Variants in PARL observed in about 807,000 individuals in gnomAD.
PARL encodes presenilin-associated rhomboid-like protein, mitochondrial.
In PARL, 44 loss-of-function variants were observed where a neutral mutation model predicts 51.6. The observed-to-expected ratio is 0.85, with a 90% CI of 0.67 to 1.10. The LOEUF (loss-of-function observed/expected upper bound fraction) is 1.10, where lower values mean the gene tolerates loss of function less well. Among genes scored for constraint, PARL ranks in the 50% least tolerant of loss-of-function variants. The probability of loss-of-function intolerance (pLI) is 0.00; values close to 1 mark genes in which losing one functional copy is unlikely to be tolerated. For missense variants in PARL, 441 were observed against 469.5 expected, an observed-to-expected ratio of 0.94 and a Z score of 0.56; for synonymous variants, 172 against 164.0, an observed-to-expected ratio of 1.05 and a Z score of -0.37.
rs1408147337 is a variant in PARL, at chr3:183,874,105, G to A, written c.126-6045C>T. On this transcript the variant is annotated intron_variant, in intron 1 of 9. Transcript: ENST00000317096. Reference sequence around the variant, plus strand: ...CTTGGTGGCTCTGTGTCACATTTCCGTAATTCTCACAACACTTCAATTTTT... The same window carrying A: ...CTTGGTGGCTCTGTGTCACATTTCCATAATTCTCACAACACTTCAATTTTT... Among the ~76,000 whole-genome samples, 5 of 152,108 alleles carry A rather than the reference G, an allele frequency of 3.3e-5. No individual in the cohort carries two copies. In the East Asian group the frequency reaches 7.7e-4, roughly 23 times the overall value.
intron 9 of PARL, among the ~76,000 whole-genome samples, chr3:183,830,264 G>A (rs774135009): frequency 1.3e-5 from 2 of 152,102 alleles, no homozygotes; most frequent in African/African-American, 2.4e-5. Flanking sequence ...GCCTAACTGC[G>A]GCCTGAAGCA....
rs764366463 is a variant in PARL at position 183,868,047 on chromosome 3, T to A, written c.139A>T (p.Ile47Phe). The part of the protein sequence containing the change: ...QLLGRRFNFF[I>F]QQKCGFRKAP... ...TTTCTGAATCCGCATTTTTGTTGAA[T>A]AAAGAAGTTAAACCTATGGGGCAAA... Residue 47 changes from isoleucine to phenylalanine, a missense_variant, in exon 2 of 10, where the codon ATT (isoleucine) becomes TTT (phenylalanine). By Grantham distance (21) the Ile-to-Phe change is conservative (BLOSUM62 0). Transcript: ENST00000317096. 2.5e-6 allele frequency: 4 copies of A among 1,613,982 alleles called. No homozygotes were observed. The highest frequency in any genetic ancestry group is 3.4e-6 in the Non-Finnish European group (4 of 1,179,838).
At chr3:183,883,334 T>A (rs1734769747) in intron 1 of PARL, among the ~76,000 whole-genome samples, 1 of 152,254 alleles carries the variant, frequency 6.6e-6, no homozygotes, top group African/African-American at 2.4e-5. Context: ...AATGGCACGA[T>A]CTCGGCTCAC....
At chr3:183,863,718 T>A (rs1485018659) in intron 3 of PARL, among the ~76,000 whole-genome samples, 1 of 152,066 alleles carries the variant, frequency 6.6e-6, no homozygotes, top group Admixed American at 6.6e-5. Context: ...GGATTACAGA[T>A]ATGAGCCGCC....
chr3:183,832,364 G>A (rs899491572), intron 9 of PARL, among the ~76,000 whole-genome samples: 3 of 151,718 alleles, frequency 2.0e-5, no homozygotes, highest in African/African-American at 4.8e-5. Context: ...GACTACAGGC[G>A]CCCGCCACCA....
intron 1 of PARL, among the ~76,000 whole-genome samples, chr3:183,876,387 C>G (rs1188202605): frequency 6.6e-6 from 1 of 151,776 alleles, no homozygotes; most frequent in African/African-American, 2.4e-5. Flanking sequence ...CGACCAAATG[C>G]TGAGAAAAAA....
At position 183,876,824 on chromosome 3, in the gene PARL, CA is replaced by C. The variant is rs533066606; in HGVS notation, c.125+7897del. ...GAGGAGGTCAAAATACCAACATTAACAGTTTAGAAGAAGTTGATTACAACAC... is the reference window on the plus strand; with the variant it reads ...GAGGAGGTCAAAATACCAACATTAACGTTTAGAAGAAGTTGATTACAACAC... On this transcript the variant is annotated intron_variant, in intron 1 of 9. Transcript: ENST00000317096. Among the ~76,000 whole-genome samples the C allele has an allele frequency of 3.3e-5, 5 of 152,162 alleles. No individual in the cohort carries two copies. In the South Asian group the frequency reaches 1.0e-3, roughly 32 times the overall value.
intron 4 of PARL, among the ~76,000 whole-genome samples, chr3:183,860,105 A>T (rs1284603669): frequency 6.6e-6 from 1 of 152,180 alleles, no homozygotes; most frequent in Non-Finnish European, 1.5e-5. Flanking sequence ...AAAGAAAGAA[A>T]GTGGGACGGA....
chr3:183,880,349 GGGA>G (rs1297981229), intron 1 of PARL, among the ~76,000 whole-genome samples: 1 of 152,044 alleles, frequency 6.6e-6, no homozygotes, highest in Non-Finnish European at 1.5e-5. Context: ...TGCTCAAAGT[GGGA>G]GGATGTCATG....
At position 183,842,407 on chromosome 3, in the gene PARL, A is replaced by G. The variant is rs13091; in HGVS notation, c.648T>C (p.His216=). ...TTGCTGCCATGTGAAATAAGGAGAA[A>G]TGACTGAATGTTGACAGCAACATTG... ...CSPMLLSTFS[H]FSLFHMAANM... The change falls in exon 6 of 10, where the codon CAT becomes CAC. Residue 216 remains histidine, a synonymous_variant. Transcript: ENST00000317096. The G allele has an allele frequency of 0.47, 764,792 of 1,611,362 alleles. 183,246 individuals carry two copies. Among genetic ancestry groups the G allele is most frequent in the Middle Eastern group, 0.61 (3,664 of 6,054 alleles).
intron 1 of PARL, 108 bp from the exon 2 acceptor site, chr3:183,868,168 C>A: frequency 1.2e-6 from 1 of 818,868 alleles, no homozygotes; most frequent in Non-Finnish European, 2.1e-6. Flanking sequence ...TATTCTCACT[C>A]TACAGTCCAA....
At chr3:183,840,437 G>A (rs986504704) in intron 7 of PARL, 133 bp downstream of exon 7, 2 of 543,816 alleles carry the variant, frequency 3.7e-6, no homozygotes, top group South Asian at 2.9e-5. Context: ...TCTTGGTTTC[G>A]ATGTTAGTTA....
chr3:183,840,921 G>C (rs1274350099), intron 6 of PARL, among the ~76,000 whole-genome samples: 4 of 151,892 alleles, frequency 2.6e-5, no homozygotes, highest in African/African-American at 9.7e-5. Context: ...AACAGTGTCG[G>C]GTTTCAATCT....
At chr3:183,839,015 G>A (rs565391185) in intron 7 of PARL, among the ~76,000 whole-genome samples, 7 of 152,222 alleles carry the variant, frequency 4.6e-5, no homozygotes, top group African/African-American at 1.7e-4. Flanking sequence ...CATATATTAG[G>A]TGCTTAGCTG....
chr3:183,844,389 A>C, intron 4 of PARL, 63 bp from the exon 5 acceptor site: 1 of 998,526 alleles, frequency 1.0e-6, no homozygotes, highest in South Asian at 1.3e-5. Flanking sequence ...TCTGATCTAC[A>C]TTACCCCCTT....
intron 3 of PARL, among the ~76,000 whole-genome samples, chr3:183,864,903 C>A (rs990779922): frequency 8.2e-6 from 1 of 121,370 alleles, no homozygotes; most frequent in Non-Finnish European, 1.7e-5. Flanking sequence ...CTCCATATTT[C>A]TTTTTTTTTT....
At chr3:183,871,970 GCTA>G (rs1205697490) in intron 1 of PARL, among the ~76,000 whole-genome samples, 2 of 151,256 alleles carry the variant, frequency 1.3e-5, no homozygotes, top group African/African-American at 2.4e-5. Flanking sequence ...TAATAGCATA[GCTA>G]CTACTACTAT....
At chr3:183,876,963 G>A (rs1180975597) in intron 1 of PARL, among the ~76,000 whole-genome samples, 1 of 152,252 alleles carries the variant, frequency 6.6e-6, no homozygotes, top group Admixed American at 6.5e-5. Flanking sequence ...TGTAATCCCA[G>A]TACCCTGGGA....
At position 183,840,601 on chromosome 3, in the gene PARL, G is replaced by T; in HGVS notation, c.797C>A (p.Ala266Asp). ...SNFVSYVGKVATGRYGPSLGA... is the reference protein window; with the variant it reads ...SNFVSYVGKVDTGRYGPSLGA... The stretch of plus-strand genomic sequence containing the variant: ...AAGTGATGGTCCATATCTTCCTGTG[G>T]CAACTTTACCCACGTAACTGACAAA... The change falls in exon 7 of 10, where the codon GCC becomes GAC. Residue 266 changes from alanine to aspartate, a missense_variant. Coordinates refer to ENST00000317096, the MANE Select transcript of PARL (RefSeq NM_018622.7). The T allele has an allele frequency of 6.4e-7, 1 of 1,565,816 alleles. No individual in the cohort carries two copies. Among genetic ancestry groups the T allele is most frequent in the Non-Finnish European group, 8.8e-7 (1 of 1,142,080 alleles).
Sources: allele counts gnomAD v4.1 joint callset (sites outside exome capture counted in the v4.1 genomes callset), GRCh38; gene constraint gnomAD v4.1.1; transcripts MANE v1.5; gene names NCBI Gene and HGNC (gene_info 2026-07-23, HGNC 2026-07-21).